PRKN: variants seen among roughly 807,000 people sequenced by gnomAD.
The protein encoded by PRKN is E3 ubiquitin-protein ligase parkin.
A neutral mutation model predicts 59.5 loss-of-function variants in PRKN; 56 were observed. The ratio of observed to expected loss-of-function variants is 0.94; its 90% CI spans 0.76 to 1.18. The LOEUF (loss-of-function observed/expected upper bound fraction) is 1.18, where lower values mean the gene tolerates loss of function less well. Ranked by LOEUF, PRKN falls within the 50% of genes most tolerant of loss-of-function variation. The pLI is 0.00. For missense variants in PRKN, 657 were observed against 596.4 expected (o/e 1.10, Z -1.06); for synonymous variants, 250 against 222.1 (o/e 1.13, Z -1.12).
intron 5 of PRKN, among the ~76,000 whole-genome samples, chr6:162,001,063 T>G (rs1283319963): frequency 6.6e-6 from 1 of 152,066 alleles, no homozygotes; most frequent in East Asian, 1.9e-4. Context: ...AGTTAAGCCT[T>G]AAAATTGGAT....
At position 161,496,514 on chromosome 6, in the gene PRKN, C is replaced by G. The variant is rs191119274; in HGVS notation, c.1083+52340G>C. On this transcript the variant is annotated intron_variant, in intron 9 of 11. Transcript: ENST00000366898. Reference sequence around the variant, plus strand: ...CAATGAGGAGCAAAGGCACGTCTTACGTGGTGGCAGGCAAGAGAGCATGTG... The same window carrying G: ...CAATGAGGAGCAAAGGCACGTCTTAGGTGGTGGCAGGCAAGAGAGCATGTG... Among the ~76,000 whole-genome samples, 5 of 152,340 alleles carry G rather than the reference C, an allele frequency of 3.3e-5. No homozygotes were observed. The East Asian group carries it at 9.6e-4, about 29-fold the overall frequency.
chr6:161,904,307 G>T (rs1778049153), intron 6 of PRKN, among the ~76,000 whole-genome samples: 1 of 122,114 alleles, frequency 8.2e-6, no homozygotes. Flanking sequence ...CGAATTTGTG[G>T]GGTTTTTTTT....
Position 162,200,987 on chromosome 6 carries a change from G to C in PRKN, c.534+144C>G, listed in dbSNP as rs755903643. On this transcript the variant is annotated intron_variant, in intron 4 of 11. Transcript: ENST00000366898. ...GACAAAGGCGCATAAACGAAACTTC[G>C]GCTATCATTAACTATCACAACCACA... 9 of 911,774 alleles carry C rather than the reference G, an allele frequency of 9.9e-6. No homozygotes were observed. The Admixed American group carries it at 1.8e-4, about 19-fold the overall frequency. 56.5% of individuals were successfully genotyped at this position (911,774 alleles called of 1,614,324 possible).
At chr6:161,680,928 T>G (rs1385628416) in intron 7 of PRKN, among the ~76,000 whole-genome samples, 2 of 151,624 alleles carry the variant, frequency 1.3e-5, no homozygotes, top group Non-Finnish European at 2.9e-5. Context: ...GTGATTCATG[T>G]CTGGTAATAG....
intron 1 of PRKN, among the ~76,000 whole-genome samples, chr6:162,561,850 G>A (rs1347434648): frequency 6.6e-6 from 1 of 152,096 alleles, no homozygotes; most frequent in African/African-American, 2.4e-5. Context: ...AATGTGAAAG[G>A]CAGTCTAGGC....
chr6:162,397,369 A>G (rs776276520), intron 2 of PRKN, among the ~76,000 whole-genome samples: 8 of 152,124 alleles, frequency 5.3e-5, no homozygotes, highest in Non-Finnish European at 1.0e-4. Context: ...CAGGAACTCA[A>G]ATATTTAATC....
intron 7 of PRKN, among the ~76,000 whole-genome samples, chr6:161,674,057 A>G (rs4708919): frequency 0.2 from 30,931 of 152,070 alleles, 3,814 homozygotes; most frequent in Admixed American, 0.4. Context: ...ATTTAAGTCA[A>G]TGATGCAAGG....
Position 161,699,118 on chromosome 6 carries a change from C to A in PRKN, c.871+86654G>T, listed in dbSNP as rs143735011. 3.9e-5 allele frequency among the ~76,000 whole-genome samples: 6 copies of A among 152,140 alleles called. No homozygotes were observed. In the East Asian group the frequency reaches 1.2e-3, roughly 29 times the overall value. ...AGAAGATACAAGGGTGGCAAATGAG[C>A]ACATGAAAAGAGGCTCAACATCGTT... On this transcript the variant is annotated intron_variant, in intron 7 of 11. Coordinates refer to ENST00000366898, the MANE Select transcript of PRKN (RefSeq NM_004562.3).
rs1242102975 is a variant in PRKN at position 161,790,095 on chromosome 6, C to T, written c.735-4187G>A. On this transcript the variant is annotated intron_variant, in intron 6 of 11. Coordinates refer to ENST00000366898, the MANE Select transcript of PRKN (RefSeq NM_004562.3). ...AGTATTACAAGGAAGTATCTGTAAT[C>T]CCCAAACTCTGGGAGCCCGAAAGTT... Among the ~76,000 whole-genome samples the T allele has an allele frequency of 2.0e-5, 3 of 152,134 alleles. No homozygotes were observed. In the East Asian group the frequency reaches 5.8e-4, roughly 29 times the overall value.
At position 161,379,815 on chromosome 6, in the gene PRKN, C is replaced by A. The variant is rs1006114513; in HGVS notation, c.1167+6979G>T. Among the ~76,000 whole-genome samples, 1 of 152,254 alleles carries A rather than the reference C, an allele frequency of 6.6e-6. No individual in the cohort carries two copies. The highest frequency in any genetic ancestry group is 2.4e-5 in the African/African-American group (1 of 41,466). On this transcript the variant is annotated intron_variant, in intron 10 of 11. Transcript: ENST00000366898. The surrounding 1 kb of genome is among the most constrained non-coding windows in gnomAD (Gnocchi z 4.9). ...AACTGCTTCATGCGATTCCCCACAG[C>A]ATCCTCCAGTACACAGTCTGCACTC...
intron 2 of PRKN, among the ~76,000 whole-genome samples, chr6:162,439,135 T>C (rs186176167): frequency 2.0e-3 from 301 of 152,264 alleles, no homozygotes; most frequent in Non-Finnish European, 3.1e-3. Flanking sequence ...ACTCAGCCTT[T>C]ACTAGTGTTG....
intron 1 of PRKN, among the ~76,000 whole-genome samples, chr6:162,502,376 G>A (rs1793414995): frequency 6.6e-6 from 1 of 152,070 alleles, no homozygotes; most frequent in African/African-American, 2.4e-5. Flanking sequence ...GCCCAGGCTG[G>A]TCTGAAACTC....
At chr6:161,350,582 TATAA>T (rs563502565) in intron 11 of PRKN, among the ~76,000 whole-genome samples, 2,049 of 136,830 alleles carry the variant, frequency 0.015, 33 homozygotes, top group African/African-American at 0.025. Flanking sequence ...ATTTAAAATA[TATAA>T]ATATATTTTT....
At chr6:161,681,898 T>C (rs1785379265) in intron 7 of PRKN, among the ~76,000 whole-genome samples, 1 of 152,236 alleles carries the variant, frequency 6.6e-6, no homozygotes, top group Non-Finnish European at 1.5e-5. Flanking sequence ...GCAGAGGACG[T>C]CTGCAATGCC....
intron 3 of PRKN, among the ~76,000 whole-genome samples, chr6:162,220,323 A>G (rs1242129487): frequency 6.6e-6 from 1 of 152,164 alleles, no homozygotes; most frequent in Non-Finnish European, 1.5e-5. Context: ...GCAAAAATTG[A>G]CAAGAGGGAC....
intron 4 of PRKN, among the ~76,000 whole-genome samples, chr6:162,143,835 G>A (rs1254096449): frequency 2.0e-5 from 3 of 152,232 alleles, no homozygotes; most frequent in East Asian, 1.9e-4. Context: ...GGAGTGAAGC[G>A]ACGGGCTGCA....
chr6:161,560,155 C>G lies in PRKN; in HGVS notation c.933+9200G>C, dbSNP rs1583228801. 6.6e-6 allele frequency among the ~76,000 whole-genome samples: 1 copy of G among 152,162 alleles called. No individual in the cohort carries two copies. The highest frequency in any genetic ancestry group is 2.4e-5 in the African/African-American group (1 of 41,430). The stretch of plus-strand genomic sequence containing the variant: ...GCCAATTTCCATGCTTCCCTCTCTC[C>G]TAAGCCTTTTTTCTGTGTCCCCTGA... On this transcript the variant is annotated intron_variant, in intron 8 of 11. Transcript: ENST00000366898. This position sits in a 1 kb window ranked among gnomAD's most constrained non-coding sequence, Gnocchi z 4.9.
chr6:162,183,685 C>T (rs1044557246), intron 4 of PRKN, among the ~76,000 whole-genome samples: 2 of 152,202 alleles, frequency 1.3e-5, no homozygotes, highest in African/African-American at 4.8e-5. Context: ...TGATCTGTCA[C>T]TGCTGACTGC....
At chr6:162,310,595 T>C (rs541699483) in intron 2 of PRKN, among the ~76,000 whole-genome samples, 18 of 149,546 alleles carry the variant, frequency 1.2e-4, no homozygotes, top group Admixed American at 1.1e-3. Flanking sequence ...ATGGTAATTG[T>C]GGGGTGGGGG....
Sources: allele counts gnomAD v4.1 joint callset (sites outside exome capture counted in the v4.1 genomes callset), GRCh38; gene constraint gnomAD v4.1.1; non-coding constraint Gnocchi (gnomAD v3.1); transcripts MANE v1.5; gene names NCBI Gene and HGNC (gene_info 2026-07-23, HGNC 2026-07-21).